The following AGBL1 variants were observed in gnomAD, a reference collection of about 807,000 sequenced individuals.
AGBL1 encodes cytosolic carboxypeptidase 4.
A neutral mutation model predicts 118.9 loss-of-function variants in AGBL1; 130 were observed. That is an observed-to-expected ratio of 1.09 (90% CI 0.95 to 1.26). The LOEUF (loss-of-function observed/expected upper bound fraction) is 1.26. Among genes scored for constraint, AGBL1 ranks in the 50% most tolerant of loss-of-function variants. The probability of loss-of-function intolerance (pLI) is 0.00; values close to 1 mark genes in which losing one functional copy is unlikely to be tolerated. For missense variants in AGBL1, 1,584 were observed against 1,298.1 expected (o/e 1.22, Z -3.38); for synonymous variants, 555 against 478.9 (o/e 1.16, Z -2.08).
At chr15:86,694,652 G>T (rs574307688) in intron 22 of AGBL1, among the ~76,000 whole-genome samples, 2 of 152,022 alleles carry the variant, frequency 1.3e-5, no homozygotes, top group Admixed American at 1.3e-4. Context: ...AGTGGTGAGA[G>T]TGGTAATTCT....
At chr15:86,896,499 T>C (rs577655695) in intron 22 of AGBL1, among the ~76,000 whole-genome samples, 2 of 152,288 alleles carry the variant, frequency 1.3e-5, no homozygotes, top group South Asian at 4.1e-4. Context: ...CACAATGTAA[T>C]TGTGAACTCT....
intron 22 of AGBL1, among the ~76,000 whole-genome samples, chr15:86,888,552 T>A (rs914524217): frequency 6.6e-6 from 1 of 152,102 alleles, no homozygotes; most frequent in Non-Finnish European, 1.5e-5. Context: ...CCAACGAAGA[T>A]CTAGGTATAA....
At chr15:86,738,077 CCTTT>C (rs1336989254) in intron 22 of AGBL1, among the ~76,000 whole-genome samples, 2 of 151,746 alleles carry the variant, frequency 1.3e-5, no homozygotes, top group Admixed American at 1.3e-4. Flanking sequence ...AGAAAAAAAT[CCTTT>C]CTGTGTCTAT....
chr15:86,990,597 T>TC (rs1367572710), intron 24 of AGBL1, among the ~76,000 whole-genome samples: 2 of 152,214 alleles, frequency 1.3e-5, no homozygotes, highest in Non-Finnish European at 2.9e-5. Context: ...GCACTTACTA[T>TC]CTACCAGGCA....
chr15:86,706,354 G>T (rs2142665879), intron 22 of AGBL1, among the ~76,000 whole-genome samples: 1 of 152,088 alleles, frequency 6.6e-6, no homozygotes, highest in Non-Finnish European at 1.5e-5. Context: ...GCTTGGAAAA[G>T]CTCTATTTAA....
intron 24 of AGBL1, among the ~76,000 whole-genome samples, chr15:87,024,168 A>T (rs2081698975): frequency 6.6e-6 from 1 of 152,000 alleles, no homozygotes; most frequent in Non-Finnish European, 1.5e-5. Context: ...ACAACAACAA[A>T]AATATAAAAG....
chr15:86,919,999 A>T (rs1769397245), downstream of AGBL1, among the ~76,000 whole-genome samples: 1 of 152,160 alleles, frequency 6.6e-6, no homozygotes, highest in African/African-American at 2.4e-5. Flanking sequence ...ATTGCTGGGA[A>T]ACAAATTACC....
chr15:86,143,791 G>A lies in AGBL1; in HGVS notation c.208G>A (p.Asp70Asn). The stretch of plus-strand genomic sequence containing the variant: ...AGACACAGCGAGGACAGCTCCTCCA[G>A]ACTATGACATCCTCCTGCCTCTCTT... ...LVDTARTAPP[D>N]YDILLPLFRL... The change falls in exon 3 of 23, where the codon GAC becomes AAC. Residue 70 changes from aspartate (D) to asparagine (N), a missense_variant. Asp to Asn is a conservative substitution (Grantham distance 23, BLOSUM62 1). Coordinates refer to ENST00000614907, the MANE Select transcript of AGBL1 (RefSeq NM_001386094.1). 6.2e-7 allele frequency: 1 copy of A among 1,613,892 alleles called. No individual in the cohort carries two copies.
At chr15:86,873,414 G>C (rs896623790) in intron 22 of AGBL1, among the ~76,000 whole-genome samples, 2 of 152,160 alleles carry the variant, frequency 1.3e-5, no homozygotes, top group African/African-American at 4.8e-5. Flanking sequence ...CGCTTTCAAA[G>C]ATGTTTGAAA....
chr15:86,889,627 A>G (rs1390814832), intron 22 of AGBL1, among the ~76,000 whole-genome samples: 1 of 152,082 alleles, frequency 6.6e-6, no homozygotes, highest in Non-Finnish European at 1.5e-5. Flanking sequence ...GCTCCCACTT[A>G]TAAGTGAGAA....
At chr15:87,015,607 T>C (rs186785644) in intron 24 of AGBL1, among the ~76,000 whole-genome samples, 4 of 152,280 alleles carry the variant, frequency 2.6e-5, no homozygotes, top group Admixed American at 1.3e-4. Flanking sequence ...CAGTTGAAAA[T>C]GGTTTAGTGG....
chr15:86,943,405 T>A (rs1405857374), intron 23 of AGBL1, among the ~76,000 whole-genome samples: 1 of 152,214 alleles, frequency 6.6e-6, no homozygotes, highest in Non-Finnish European at 1.5e-5. Context: ...TTGGAATCTG[T>A]GATATCTCTC....
rs190304345 is a variant in AGBL1 at position 86,515,737 on chromosome 15, C to A, written c.2556-7073C>A. On this transcript the variant is annotated intron_variant, in intron 18 of 22. Transcript: ENST00000614907. ...AGCCTAAGGTTTCACTGTTCACTTG[C>A]ATGTGTATTTGGCAAATTCTTCACA... Among the ~76,000 whole-genome samples, 9 of 152,302 alleles carry A rather than the reference C, an allele frequency of 5.9e-5. No homozygotes were observed. The East Asian group carries it at 1.7e-3, about 29-fold the overall frequency.
intron 18 of AGBL1, among the ~76,000 whole-genome samples, chr15:86,410,833 TATATATATAATATA>T (rs1229313108): frequency 1.7e-4 from 18 of 106,246 alleles, no homozygotes; most frequent in African/African-American, 7.5e-4. Context: ...TATATATATA[TATATATATAATATA>T]CTATTTTATA....
chr15:86,090,285 C>T (rs1183351574), intron 1 of AGBL1, among the ~76,000 whole-genome samples: 1 of 152,092 alleles, frequency 6.6e-6, no homozygotes. Flanking sequence ...ACATATTTTT[C>T]TGTAAAGGTA....
chr15:86,575,344 C>G (rs1201718192), intron 21 of AGBL1, among the ~76,000 whole-genome samples: 1 of 150,080 alleles, frequency 6.7e-6, no homozygotes, highest in African/African-American at 2.4e-5. Flanking sequence ...ATCAAAAAAT[C>G]AAAAAATTAG....
rs999029632 is a variant in AGBL1, at chr15:86,143,629, G to A, written c.116-70G>A. 9.6e-6 allele frequency: 15 copies of A among 1,557,050 alleles called. No individual in the cohort carries two copies. The Admixed American group carries it at 1.8e-4, about 19-fold the overall frequency. On this transcript the variant is annotated intron_variant, in intron 2 of 22. Coordinates refer to ENST00000614907, the MANE Select transcript of AGBL1 (RefSeq NM_001386094.1). ...TTCTTGCTCTGTCTCTAGTTGGGAG[G>A]TCTGTCTTCTGCTCCAAGGAAAATG...
chr15:87,005,041 G>A (rs569775373), intron 24 of AGBL1, among the ~76,000 whole-genome samples: 1 of 152,302 alleles, frequency 6.6e-6, no homozygotes, highest in East Asian at 1.9e-4. Flanking sequence ...GGCTTGTAGA[G>A]TTTCTGCCAA....
intron 22 of AGBL1, among the ~76,000 whole-genome samples, chr15:86,732,963 A>G (rs903947163): frequency 6.3e-5 from 9 of 141,816 alleles, no homozygotes; most frequent in African/African-American, 2.7e-4. Flanking sequence ...ATACACACAT[A>G]TACATATACA....
Sources: allele counts gnomAD v4.1 joint callset (sites outside exome capture counted in the v4.1 genomes callset), GRCh38; gene constraint gnomAD v4.1.1; transcripts MANE v1.5; gene names NCBI Gene and HGNC (gene_info 2026-07-23, HGNC 2026-07-21).